SLC22A9: variants seen among roughly 807,000 people sequenced by gnomAD.
SLC22A9 encodes the protein organic anion transporter 7.
Under a neutral mutation model 50.1 loss-of-function variants are expected in SLC22A9, and 64 were observed. That is an observed-to-expected ratio of 1.28 (90% CI 1.04 to 1.57). The LOEUF (loss-of-function observed/expected upper bound fraction) is 1.57. Ranked by LOEUF, SLC22A9 falls within the 40% of genes most tolerant of loss-of-function variation. The pLI is 0.00. For missense variants in SLC22A9, 757 were observed against 676.1 expected, an observed-to-expected ratio of 1.12 and a Z score of -1.33; for synonymous variants, 261 against 242.5, an observed-to-expected ratio of 1.08 and a Z score of -0.71.
intron 4 of SLC22A9, among the ~76,000 whole-genome samples, chr11:63,374,341 G>A (rs2014423571): frequency 6.6e-6 from 1 of 152,038 alleles, no homozygotes; most frequent in Non-Finnish European, 1.5e-5. Flanking sequence ...ATCATTTATT[G>A]TTTATATGAA....
intron 6 of SLC22A9, among the ~76,000 whole-genome samples, chr11:63,386,620 T>C (rs1347732127): frequency 6.6e-6 from 1 of 151,758 alleles, no homozygotes; most frequent in Non-Finnish European, 1.5e-5. Context: ...TAGAGGTGTT[T>C]ATTGTATCCT....
At chr11:63,378,049 G>A (rs1171961051) in intron 5 of SLC22A9, among the ~76,000 whole-genome samples, 3 of 151,926 alleles carry the variant, frequency 2.0e-5, no homozygotes, top group African/African-American at 4.8e-5. Flanking sequence ...AACTGAATCA[G>A]TAATAAAAAG....
At chr11:63,386,316 C>G (rs1039556178) in intron 6 of SLC22A9, among the ~76,000 whole-genome samples, 1 of 150,632 alleles carries the variant, frequency 6.6e-6, no homozygotes, top group Admixed American at 6.6e-5. Context: ...TGGCCTCATA[C>G]AATAAATTAG....
intron 6 of SLC22A9, among the ~76,000 whole-genome samples, chr11:63,398,929 T>C (rs1471879576): frequency 6.6e-6 from 1 of 152,234 alleles, no homozygotes; most frequent in East Asian, 1.9e-4. Context: ...TGTATTATTA[T>C]TCCTTCAAAG....
chr11:63,372,635 G>C (rs1347235559), intron 2 of SLC22A9, among the ~76,000 whole-genome samples: 1 of 151,954 alleles, frequency 6.6e-6, no homozygotes, highest in Non-Finnish European at 1.5e-5. Context: ...TTTAAATACT[G>C]AATTTTCTGA....
chr11:63,393,728 C>A (rs1305642793), intron 6 of SLC22A9, among the ~76,000 whole-genome samples: 2 of 152,100 alleles, frequency 1.3e-5, no homozygotes, highest in African/African-American at 4.8e-5. Flanking sequence ...CTGCCCTTAA[C>A]ATTTTTTCCT....
chr11:63,393,353 G>T (rs1318981888), intron 6 of SLC22A9, among the ~76,000 whole-genome samples: 1 of 152,122 alleles, frequency 6.6e-6, no homozygotes, highest in Non-Finnish European at 1.5e-5. Context: ...TGGAAACTTT[G>T]CTGAATTCTT....
chr11:63,373,073 T>C (rs183693908), intron 2 of SLC22A9, among the ~76,000 whole-genome samples: 1 of 152,108 alleles, frequency 6.6e-6, no homozygotes, highest in East Asian at 1.9e-4. Flanking sequence ...CAGAGAGGAC[T>C]CCTTTCCCAG....
At position 63,407,938 on chromosome 11, in the gene SLC22A9, CA is replaced by C. The variant is rs531494309; in HGVS notation, c.1289-171del. ...CATTATTTAAGCCACAAGGCGAAGA[CA>C]AATCATGTTTCTCAGCTATCAGCCA... On this transcript the variant is annotated intron_variant, in intron 7 of 9. Coordinates refer to ENST00000279178, the MANE Select transcript of SLC22A9 (RefSeq NM_080866.3). 5.6e-4 allele frequency among the ~76,000 whole-genome samples: 85 copies of C among 152,352 alleles called. 2 individuals carry two copies. The South Asian group carries it at 0.017, about 31-fold the overall frequency.
chr11:63,378,314 A>G (rs1036234608), intron 5 of SLC22A9, among the ~76,000 whole-genome samples: 1 of 152,062 alleles, frequency 6.6e-6, no homozygotes, highest in Non-Finnish European at 1.5e-5. Flanking sequence ...GGCTTTTAAT[A>G]AAATTCAACA....
In SLC22A9 at chr11:63,409,881, T is replaced by A. The variant is rs759833562; in HGVS notation, c.*19T>A. On this transcript the variant is annotated 3_prime_UTR_variant, in exon 10 of 10. Coordinates refer to ENST00000279178, the MANE Select transcript of SLC22A9 (RefSeq NM_080866.3). ...GTTTTAAGGAATTCCAGGAGCTGAC[T>A]GCCGATCAATGAGCCAGATGAAGGG... 1 of 1,612,750 alleles carries A rather than the reference T, an allele frequency of 6.2e-7. No homozygotes were observed. The highest frequency in any genetic ancestry group is 8.5e-7 in the Non-Finnish European group (1 of 1,179,270).
At chr11:63,406,144 A>AT (rs1353310246) in intron 6 of SLC22A9, among the ~76,000 whole-genome samples, 2 of 152,092 alleles carry the variant, frequency 1.3e-5, no homozygotes, top group Non-Finnish European at 2.9e-5. Context: ...TGTAGGTAGT[A>AT]TTATACTTTT....
chr11:63,369,819 G>C lies in SLC22A9; in HGVS notation c.-238G>C, dbSNP rs562460573. ...TCATTGTAAACGACTGGGAGTATCT[G>C]AGCAAATTATTTCTTACGTGACTTT... On this transcript the variant is annotated 5_prime_UTR_variant, in exon 1 of 10. Coordinates refer to ENST00000279178, the MANE Select transcript of SLC22A9 (RefSeq NM_080866.3). 4.2e-6 allele frequency: 2 copies of C among 480,110 alleles called. No homozygotes were observed. The highest frequency in any genetic ancestry group is 7.3e-6 in the Non-Finnish European group (2 of 274,078). 29.7% of individuals were successfully genotyped at this position (480,110 alleles called of 1,614,324 possible). A position where few individuals can be genotyped will look rare whatever the true frequency, so the allele number is the denominator to read the frequency against.
At chr11:63,371,353 C>T in intron 2 of SLC22A9, 115 bp downstream of exon 2, 1 of 821,090 alleles carries the variant, frequency 1.2e-6, no homozygotes, top group Non-Finnish European at 1.8e-6. Flanking sequence ...TGCCCTGATC[C>T]CCAAACAGAA....
chr11:63,399,352 G>C (rs2014916073), intron 6 of SLC22A9, among the ~76,000 whole-genome samples: 1 of 152,040 alleles, frequency 6.6e-6, no homozygotes, highest in African/African-American at 2.4e-5. Flanking sequence ...TGAATGGAGA[G>C]AAAAAGGTAT....
Position 63,408,712 on chromosome 11 carries a change from T to C in SLC22A9, c.1434T>C (p.Asn478=), listed in dbSNP as rs1297987453. The change falls in exon 9 of 10, where the codon AAT becomes AAC. Residue 478 remains asparagine (N), a synonymous_variant. Transcript: ENST00000279178. ...TGGGGATCAATGCAACCTTTGCTAATATAGCAGGAGCCCTGGCTCCCCTCA... is the reference window on the plus strand; with the variant it reads ...TGGGGATCAATGCAACCTTTGCTAACATAGCAGGAGCCCTGGCTCCCCTCA... The part of the protein sequence containing the change: ...RAMGINATFA[N]IAGALAPLMM... The C allele has an allele frequency of 6.8e-6, 11 of 1,613,826 alleles. No homozygotes were observed. Among genetic ancestry groups the C allele is most frequent in the South Asian group, 6.6e-5 (6 of 91,082 alleles).
intron 6 of SLC22A9, among the ~76,000 whole-genome samples, chr11:63,386,831 T>C (rs1222834110): frequency 6.6e-6 from 1 of 151,604 alleles, no homozygotes; most frequent in African/African-American, 2.4e-5. Flanking sequence ...GATGATTTTG[T>C]TTTTTTGTTT....
At chr11:63,373,117 T>C (rs929012194) in intron 2 of SLC22A9, among the ~76,000 whole-genome samples, 3 of 136,414 alleles carry the variant, frequency 2.2e-5, no homozygotes, top group African/African-American at 7.9e-5. Context: ...CTTTTTCTTT[T>C]TTTTCCTTTT....
Position 63,376,758 on chromosome 11 carries a change from T to C in SLC22A9, c.954+990T>C, listed in dbSNP as rs371957823. 4.0e-4 allele frequency among the ~76,000 whole-genome samples: 60 copies of C among 150,878 alleles called. 3 individuals carry two copies. Among genetic ancestry groups the C allele is most frequent in the East Asian group, 2.3e-3 (12 of 5,148 alleles). On this transcript the variant is annotated intron_variant, in intron 5 of 9. Transcript: ENST00000279178. Reference sequence around the variant, plus strand: ...CACTTAAAAGACACAGAGTGACAAGTTGGATTAAAAAAAAAAATACACCCA... The same window carrying C: ...CACTTAAAAGACACAGAGTGACAAGCTGGATTAAAAAAAAAAATACACCCA...
Sources: gnomAD v4.1 joint callset for allele counts (sites outside exome capture counted in the v4.1 genomes callset) on GRCh38, gnomAD v4.1.1 for gene constraint, MANE v1.5 for transcripts, NCBI Gene and HGNC (gene_info 2026-07-23, HGNC 2026-07-21) for gene names.